The following RALYL variants were observed in gnomAD, a reference collection of about 807,000 sequenced individuals.
The protein encoded by RALYL is RNA-binding Raly-like protein.
RALYL carries 29 observed loss-of-function variants against 35.1 expected under a neutral mutation model. The ratio of observed to expected loss-of-function variants is 0.83; its 90% CI spans 0.61 to 1.13. The LOEUF (loss-of-function observed/expected upper bound fraction) is 1.13, where lower values mean the gene tolerates loss of function less well. RALYL is among the 50% of genes most tolerant of loss of function. The pLI is 0.00. For missense variants in RALYL, 359 were observed against 360.4 expected, an observed-to-expected ratio of 1.00 and a Z score of 0.03; for synonymous variants, 120 against 127.6, an observed-to-expected ratio of 0.94 and a Z score of 0.40.
At chr8:84,511,915 A>T (rs992152135) in intron 1 of RALYL, among the ~76,000 whole-genome samples, 1 of 152,160 alleles carries the variant, frequency 6.6e-6, no homozygotes, top group Non-Finnish European at 1.5e-5. Flanking sequence ...GCGTATGTAC[A>T]CCACATTTCC....
chr8:84,516,301 A>G (rs1587915216), intron 1 of RALYL, among the ~76,000 whole-genome samples: 1 of 151,054 alleles, frequency 6.6e-6, no homozygotes, highest in Non-Finnish European at 1.5e-5. Flanking sequence ...GAAAAATAAT[A>G]TACCTAATAT....
At chr8:84,782,515 T>C (rs1399243785) in intron 3 of RALYL, among the ~76,000 whole-genome samples, 2 of 152,254 alleles carry the variant, frequency 1.3e-5, no homozygotes, top group Non-Finnish European at 2.9e-5. Context: ...ACTGATTCTT[T>C]CTAACTGTTG....
At chr8:84,241,833 C>A (rs925754766) in intron 1 of RALYL, among the ~76,000 whole-genome samples, 2 of 150,822 alleles carry the variant, frequency 1.3e-5, no homozygotes, top group Non-Finnish European at 3.0e-5. Flanking sequence ...TTAGTAACCA[C>A]ACTTTTTGTT....
chr8:84,730,914 T>A (rs1846052865), intron 2 of RALYL, among the ~76,000 whole-genome samples: 1 of 151,952 alleles, frequency 6.6e-6, no homozygotes, highest in Non-Finnish European at 1.5e-5. Context: ...AAAAATATGC[T>A]GTGATGGAAT....
In RALYL at chr8:84,432,125, G is replaced by A. The variant is rs191100686; in HGVS notation, c.-23-97174G>A. ...AAACAGGGTCTCAGAGATTGTTTGCGCTCCCCTGTTTGTGGTAGCATGATT... is the reference window on the plus strand; with the variant it reads ...AAACAGGGTCTCAGAGATTGTTTGCACTCCCCTGTTTGTGGTAGCATGATT... On this transcript the variant is annotated intron_variant, in intron 1 of 8. Coordinates refer to ENST00000521268, the MANE Select transcript of RALYL (RefSeq NM_173848.7). 1.6e-3 allele frequency among the ~76,000 whole-genome samples: 244 copies of A among 152,182 alleles called. 2 individuals carry two copies. The highest frequency in any genetic ancestry group is 4.6e-3 in the African/African-American group (189 of 41,524).
At chr8:84,875,988 A>G (rs961771982) in intron 7 of RALYL, among the ~76,000 whole-genome samples, 7 of 152,196 alleles carry the variant, frequency 4.6e-5, no homozygotes, top group Admixed American at 6.6e-5. Context: ...GTGGGGAAGG[A>G]CACACAACAT....
intron 2 of RALYL, among the ~76,000 whole-genome samples, chr8:84,620,948 C>G (rs886991032): frequency 2.0e-5 from 3 of 152,022 alleles, no homozygotes; most frequent in Admixed American, 6.5e-5. Flanking sequence ...GCAGTCTGCC[C>G]GTTCTCAGAT....
At chr8:84,364,329 C>A (rs1853746813) in intron 1 of RALYL, among the ~76,000 whole-genome samples, 1 of 152,046 alleles carries the variant, frequency 6.6e-6, no homozygotes, top group Admixed American at 6.6e-5. Flanking sequence ...CTGTGACCGG[C>A]AAATGGTGTT....
chr8:84,743,670 C>A (rs1041885376), intron 2 of RALYL, among the ~76,000 whole-genome samples: 2 of 151,848 alleles, frequency 1.3e-5, no homozygotes, highest in African/African-American at 4.8e-5. Context: ...TAACATGCTA[C>A]AACAAAAAGG....
intron 1 of RALYL, among the ~76,000 whole-genome samples, chr8:84,217,976 GT>G (rs1821236418): frequency 6.6e-6 from 1 of 151,942 alleles, no homozygotes; most frequent in Non-Finnish European, 1.5e-5. Context: ...CATTTTTGTG[GT>G]GAGAACATTT....
chr8:84,585,780 GC>G (rs1255131518), intron 2 of RALYL, among the ~76,000 whole-genome samples: 2 of 152,010 alleles, frequency 1.3e-5, no homozygotes. Context: ...ACAAAAAATG[GC>G]CCCTCTCCTC....
intron 1 of RALYL, among the ~76,000 whole-genome samples, chr8:84,429,616 T>C (rs556406736): frequency 6.6e-6 from 1 of 152,106 alleles, no homozygotes; most frequent in East Asian, 1.9e-4. Context: ...GACTTGCCAT[T>C]CTTAAAATGT....
At chr8:84,648,193 A>T (rs1827908150) in intron 2 of RALYL, among the ~76,000 whole-genome samples, 1 of 152,076 alleles carries the variant, frequency 6.6e-6, no homozygotes, top group Non-Finnish European at 1.5e-5. Flanking sequence ...ACATTCCAGT[A>T]TATCACCTGT....
intron 3 of RALYL, among the ~76,000 whole-genome samples, chr8:84,792,400 T>C (rs562890165): frequency 3.9e-5 from 6 of 152,282 alleles, no homozygotes; most frequent in Admixed American, 2.6e-4. Context: ...GGACACTTCT[T>C]CTCTTCTCTC....
intron 1 of RALYL, among the ~76,000 whole-genome samples, chr8:84,502,621 T>C (rs2134243967): frequency 6.6e-6 from 1 of 152,158 alleles, no homozygotes; most frequent in South Asian, 2.1e-4. Context: ...AAGAGTTAAT[T>C]ATATTTGTCT....
chr8:84,449,267 C>G (rs997164471), intron 1 of RALYL, among the ~76,000 whole-genome samples: 1 of 151,802 alleles, frequency 6.6e-6, no homozygotes, highest in Admixed American at 6.6e-5. Context: ...GAGGTGAGGT[C>G]CCCTTAGCAA....
At chr8:84,791,264 G>A (rs965979807) in intron 3 of RALYL, among the ~76,000 whole-genome samples, 3 of 152,098 alleles carry the variant, frequency 2.0e-5, no homozygotes, top group African/African-American at 7.2e-5. Flanking sequence ...CTGGGGAAAA[G>A]CATTCTAGGT....
At chr8:84,224,315 G>A (rs1823295048) in intron 1 of RALYL, among the ~76,000 whole-genome samples, 1 of 152,122 alleles carries the variant, frequency 6.6e-6, no homozygotes, top group African/African-American at 2.4e-5. Context: ...TTCTCAAAAA[G>A]GTGGATGGTG....
At chr8:84,717,616 C>T (rs1211661567) in intron 2 of RALYL, among the ~76,000 whole-genome samples, 1 of 152,148 alleles carries the variant, frequency 6.6e-6, no homozygotes, top group African/African-American at 2.4e-5. Context: ...TTTTAATATT[C>T]ATTTTAAAAA....
Sources: allele counts gnomAD v4.1 joint callset (sites outside exome capture counted in the v4.1 genomes callset), GRCh38; gene constraint gnomAD v4.1.1; transcripts MANE v1.5; gene names NCBI Gene and HGNC (gene_info 2026-07-23, HGNC 2026-07-21).